Variants in FBXW11 observed in about 807,000 individuals in gnomAD.
The protein encoded by FBXW11 is F-box/WD repeat-containing protein 11.
A neutral mutation model predicts 77.6 loss-of-function variants in FBXW11; 19 were observed. The observed-to-expected ratio is 0.24, with a 90% CI of 0.17 to 0.36. FBXW11 has a LOEUF of 0.36. FBXW11 is among the 10% of genes least tolerant of loss of function. The probability of loss-of-function intolerance (pLI) is 1.00; values close to 1 mark genes in which losing one functional copy is unlikely to be tolerated. For missense variants in FBXW11, 334 were observed against 704.2 expected (o/e 0.47, Z 5.95); for synonymous variants, 235 against 249.4 (o/e 0.94, Z 0.54).
intron 1 of FBXW11, among the ~76,000 whole-genome samples, chr5:171,982,487 T>C (rs1470688654): frequency 2.0e-5 from 3 of 152,212 alleles, no homozygotes; most frequent in Admixed American, 1.3e-4. Context: ...TTGGTCAGGC[T>C]GGTCTCAAAC....
chr5:171,904,726 C>A lies in FBXW11; in HGVS notation c.437-4626G>T, dbSNP rs540951077. 1.2e-4 allele frequency among the ~76,000 whole-genome samples: 19 copies of A among 152,070 alleles called. No homozygotes were observed. The highest frequency in any genetic ancestry group is 2.5e-4 in the Non-Finnish European group (17 of 68,018). On this transcript the variant is annotated intron_variant, in intron 4 of 13. Coordinates refer to ENST00000517395, the MANE Select transcript of FBXW11 (RefSeq NM_001378974.1). The surrounding 1 kb of genome is among the most constrained non-coding windows in gnomAD (Gnocchi z 4.0). ...AGCTGGGACTACAGGCGCACACCAC[C>A]ATGCCCAGGTAATTTTTGTATTTTT...
intron 2 of FBXW11, among the ~76,000 whole-genome samples, chr5:171,930,285 A>T (rs1260203063): frequency 6.6e-6 from 1 of 152,206 alleles, no homozygotes; most frequent in East Asian, 1.9e-4. Flanking sequence ...TCAACGTGAT[A>T]AAGAACACCT....
At chr5:171,909,353 A>T (rs890760533) in intron 4 of FBXW11, among the ~76,000 whole-genome samples, 1 of 152,226 alleles carries the variant, frequency 6.6e-6, no homozygotes, top group African/African-American at 2.4e-5. Context: ...AAAGGGAAAT[A>T]AATAGGTGGA....
chr5:171,980,397 T>A (rs1306593332), intron 1 of FBXW11, among the ~76,000 whole-genome samples: 1 of 152,166 alleles, frequency 6.6e-6, no homozygotes, highest in East Asian at 1.9e-4. Context: ...TATTAAGACC[T>A]GCTATCCATC....
At chr5:171,916,254 G>GA (rs34199464) in intron 2 of FBXW11, among the ~76,000 whole-genome samples, 109,594 of 139,654 alleles carry the variant, frequency 0.78, 45,353 homozygotes, top group East Asian at 0.93. Context: ...AAAAAAATGA[G>GA]AAAAAAAAAA....
intron 2 of FBXW11, among the ~76,000 whole-genome samples, chr5:171,945,854 T>C (rs1762981840): frequency 1.3e-5 from 2 of 152,242 alleles, no homozygotes; most frequent in South Asian, 4.1e-4. Flanking sequence ...CATCATGAAC[T>C]GTTTCCATTT....
intron 3 of FBXW11, 90 bp from the exon 4 acceptor site, chr5:171,910,887 T>A: frequency 1.0e-6 from 1 of 957,874 alleles, no homozygotes; most frequent in Non-Finnish European, 1.5e-6. Flanking sequence ...CCTGTGTATT[T>A]AATCTTAAAA....
At chr5:171,995,021 G>A (rs945588544) in intron 1 of FBXW11, among the ~76,000 whole-genome samples, 2 of 152,150 alleles carry the variant, frequency 1.3e-5, no homozygotes, top group Non-Finnish European at 2.9e-5. Flanking sequence ...TAGCAAATGT[G>A]AAAGTATTAA....
chr5:171,974,739 C>G (rs1471593558), intron 1 of FBXW11, among the ~76,000 whole-genome samples: 1 of 152,050 alleles, frequency 6.6e-6, no homozygotes, highest in Non-Finnish European at 1.5e-5. Context: ...CTTAAAAACA[C>G]AGAGAGAGAT....
intron 2 of FBXW11, among the ~76,000 whole-genome samples, chr5:171,951,520 G>A (rs1001427475): frequency 6.6e-6 from 1 of 151,824 alleles, no homozygotes; most frequent in Non-Finnish European, 1.5e-5. Context: ...CTGGGCAACA[G>A]AGCAAGACCC....
At chr5:171,930,717 C>A (rs1581217339) in intron 2 of FBXW11, among the ~76,000 whole-genome samples, 1 of 76,726 alleles carries the variant, frequency 1.3e-5, no homozygotes, top group Non-Finnish European at 2.7e-5. Flanking sequence ...CAAGAATGAT[C>A]AATAAAAAAA....
intron 3 of FBXW11, among the ~76,000 whole-genome samples, chr5:171,912,350 AT>A (rs1177736213): frequency 6.6e-6 from 1 of 152,176 alleles, no homozygotes; most frequent in Non-Finnish European, 1.5e-5. Context: ...TTGAACAAGG[AT>A]TTTGAAATTT....
intron 10 of FBXW11, among the ~76,000 whole-genome samples, chr5:171,871,320 C>T (rs182357924): frequency 2.6e-5 from 4 of 152,226 alleles, no homozygotes; most frequent in East Asian, 1.9e-4. Flanking sequence ...GGAGATATCA[C>T]GTACAGCCAG....
In FBXW11 at chr5:171,862,748, T is replaced by A. The variant is rs888491932; in HGVS notation, c.*1379A>T. ...GATGACTGGGGTGGCATTCATGGGC[T>A]TGAGGCTTCACTCCACTTCAGAGCA... is the stretch of plus-strand genomic sequence containing the variant. On this transcript the variant is annotated 3_prime_UTR_variant, in exon 14 of 14. Coordinates refer to ENST00000517395, the MANE Select transcript of FBXW11 (RefSeq NM_001378974.1). The A allele has an allele frequency of 1.8e-4, 28 of 152,472 alleles. No individual in the cohort carries two copies. Among genetic ancestry groups the A allele is most frequent in the African/African-American group, 6.5e-4 (27 of 41,588 alleles). 9.4% of individuals were successfully genotyped at this position (152,472 alleles called of 1,614,324 possible). A position where few individuals can be genotyped will look rare whatever the true frequency, so the allele number is the denominator to read the frequency against.
intron 2 of FBXW11, among the ~76,000 whole-genome samples, chr5:171,924,778 C>T (rs1366576604): frequency 2.7e-5 from 4 of 149,236 alleles, no homozygotes; most frequent in African/African-American, 7.4e-5. Context: ...CCCCCACCCC[C>T]GCTGATTGGT....
intron 2 of FBXW11, among the ~76,000 whole-genome samples, chr5:171,925,877 T>C (rs980549675): frequency 5.3e-5 from 8 of 152,220 alleles, no homozygotes; most frequent in African/African-American, 1.9e-4. Context: ...TTGTGAGGTT[T>C]GTACTCAAAC....
chr5:171,973,201 A>G (rs951436621), intron 1 of FBXW11, among the ~76,000 whole-genome samples: 2 of 152,226 alleles, frequency 1.3e-5, no homozygotes, highest in African/African-American at 4.8e-5. Context: ...TAAGAAATAC[A>G]AAGAGGAACA....
At chr5:171,879,966 A>G (rs965246254) in intron 7 of FBXW11, among the ~76,000 whole-genome samples, 21 of 152,094 alleles carry the variant, frequency 1.4e-4, no homozygotes, top group African/African-American at 4.6e-4. Context: ...TCTTTCTTTC[A>G]TGGGTCATGG....
At chr5:171,952,447 A>ATATATATATATATATATATATTTT in intron 2 of FBXW11, among the ~76,000 whole-genome samples, 1 of 6,946 alleles carries the variant, frequency 1.4e-4, no homozygotes, top group African/African-American at 3.4e-4. Flanking sequence ...ATATATATAT[A>ATATATATATATATATATATATTTT]TTTTTTTTTT....
Sources: gnomAD v4.1 joint callset for allele counts (sites outside exome capture counted in the v4.1 genomes callset) on GRCh38, gnomAD v4.1.1 for gene constraint, Gnocchi (gnomAD v3.1) non-coding constraint, MANE v1.5 for transcripts, NCBI Gene and HGNC (gene_info 2026-07-23, HGNC 2026-07-21) for gene names.